HERC2: variants seen among roughly 807,000 people sequenced by gnomAD.
HERC2 encodes HECT and RLD domain containing E3 ubiquitin protein ligase 2.
A neutral mutation model predicts 537.7 loss-of-function variants in HERC2; 102 were observed. The ratio of observed to expected loss-of-function variants is 0.19; its 90% confidence interval spans 0.16 to 0.22. The LOEUF (loss-of-function observed/expected upper bound fraction) is 0.22, where lower values mean the gene tolerates loss of function less well. Ranked by LOEUF, HERC2 falls within the 10% of genes least tolerant of loss-of-function variation. The pLI is 1.00. For synonymous variants in HERC2, 2,224 were observed against 2,466.2 expected, an observed-to-expected ratio of 0.90 and a Z score of 2.91; for missense variants, 4,236 against 6,198.2, an observed-to-expected ratio of 0.68 and a Z score of 10.63.
chr15:28,141,379 G>C, intron 78 of HERC2, 53 bp downstream of exon 78: 1 of 1,542,044 alleles, frequency 6.5e-7, no homozygotes, highest in African/African-American at 1.4e-5. Flanking sequence ...AGCACCTTTA[G>C]CCACAACTGC....
chr15:28,113,214 A>C lies in HERC2; in HGVS notation c.14089T>G (p.Ser4697Ala). The C allele has an allele frequency of 1.2e-6, 2 of 1,614,136 alleles. No homozygotes were observed. The highest frequency in any genetic ancestry group is 1.7e-6 in the Non-Finnish European group (2 of 1,180,034). ...CAGAACCACTGGATCAGCGATGCGG[A>C]AGGCTCGATGCCTTTATAGGTGGCC... The part of the protein sequence containing the change: ...SVATYKGIEP[S>A]ASLIQWFWEV... Residue 4697 changes from serine to alanine, a missense_variant, in exon 92 of 93, where the codon TCC (serine) becomes GCC (alanine). Physicochemically the swap from Ser to Ala is moderately conservative, Grantham distance 99. Transcript: ENST00000261609. The surrounding 1 kb of genome is among the most constrained non-coding windows in gnomAD (Gnocchi z 7.0).
chr15:28,278,097 TA>T lies in HERC2; in HGVS notation c.542+1970del, dbSNP rs149409263. Reference sequence around the variant, plus strand: ...ATGGCAAAACCCAATCTATACAAATTAAAAAAAAAAAAAAATTGGCCAGGTA... The same window carrying T: ...ATGGCAAAACCCAATCTATACAAATTAAAAAAAAAAAAAATTGGCCAGGTA... On this transcript the variant is annotated intron_variant, in intron 5 of 92. Coordinates refer to ENST00000261609, the MANE Select transcript of HERC2 (RefSeq NM_004667.6). Among the ~76,000 whole-genome samples, 564 of 136,548 alleles carry T rather than the reference TA, an allele frequency of 4.1e-3. 1 individual carries two copies. The highest frequency in any genetic ancestry group is 5.6e-3 in the African/African-American group (206 of 37,082). The allele number at this position is 136,548 out of a possible 152,430, so 89.6% of individuals were successfully genotyped here.
chr15:28,252,051 A>T (rs1409572277), intron 20 of HERC2, among the ~76,000 whole-genome samples: 5 of 152,182 alleles, frequency 3.3e-5, no homozygotes, highest in Non-Finnish European at 7.3e-5. Context: ...GTAGACTCAC[A>T]TGGCCAAGTG....
chr15:28,267,689 T>C (rs947659573), intron 12 of HERC2, among the ~76,000 whole-genome samples: 1 of 152,276 alleles, frequency 6.6e-6, no homozygotes, highest in African/African-American at 2.4e-5. Flanking sequence ...GTTTGGGATC[T>C]TCCCAGCGGA....
rs528094088 is a variant in HERC2, at chr15:28,114,623, C to T, written c.13902G>A (p.Ala4634=). 35 of 1,613,408 alleles carry T rather than the reference C, an allele frequency of 2.2e-5. No individual in the cohort carries two copies. In the South Asian group the frequency reaches 3.2e-4, roughly 15 times the overall value. The change falls in exon 90 of 93, where the codon GCG becomes GCA. Residue 4634 remains alanine (A), a synonymous_variant. Transcript: ENST00000261609. ...GGATGACCACCAACCTATAGTTTAT[C>T]GCCAGCCGCACGTACTCCGCGCGGT... The part of the protein sequence containing the change: ...LDNRAEYVRL[A]INYRLHEFDE...
chr15:28,245,559 AAAT>A (rs1330751484), intron 23 of HERC2, among the ~76,000 whole-genome samples: 56 of 118,718 alleles, frequency 4.7e-4, no homozygotes, highest in African/African-American at 7.1e-4. Flanking sequence ...AAAAAAAAAA[AAAT>A]ATATACACAC....
intron 2 of HERC2, among the ~76,000 whole-genome samples, chr15:28,319,315 G>A (rs2077172051): frequency 6.6e-6 from 1 of 152,226 alleles, no homozygotes; most frequent in African/African-American, 2.4e-5. Context: ...GCCAGGTGCA[G>A]TGGCTCACGC....
At chr15:28,261,961 C>A (rs1036297670) in intron 15 of HERC2, among the ~76,000 whole-genome samples, 10 of 151,568 alleles carry the variant, frequency 6.6e-5, no homozygotes, top group African/African-American at 2.4e-4. Flanking sequence ...CCACACACAA[C>A]GCAGCCCAAG....
At chr15:28,114,052 C>T (rs989672722) in intron 90 of HERC2, among the ~76,000 whole-genome samples, 11 of 152,298 alleles carry the variant, frequency 7.2e-5, no homozygotes, top group South Asian at 2.1e-4. Context: ...GGGACAGCAC[C>T]GCCCAGGACA....
In HERC2 at chr15:28,318,245, G is replaced by A. The variant is rs141555005; in HGVS notation, c.72+3117C>T. ...TGTAAAAATAAAAAGTGATGTGACT[G>A]ACACCTCTTAGCTCTGTAACGTATT... On this transcript the variant is annotated intron_variant, in intron 2 of 92. Transcript: ENST00000261609. 8.3e-4 allele frequency among the ~76,000 whole-genome samples: 126 copies of A among 152,208 alleles called. No individual in the cohort carries two copies. The East Asian group carries it at 0.018, about 22-fold the overall frequency.
intron 3 of HERC2, among the ~76,000 whole-genome samples, chr15:28,297,480 A>G (rs2076500744): frequency 6.6e-6 from 1 of 152,110 alleles, no homozygotes; most frequent in Admixed American, 6.5e-5. Context: ...TTAATGTTAA[A>G]AAAACTTTAT....
chr15:28,218,765 GTTT>G, intron 37 of HERC2, 94 bp from the exon 38 acceptor site: 5 of 1,122,740 alleles, frequency 4.5e-6, no homozygotes, highest in Non-Finnish European at 6.6e-6. Context: ...TTACATTCTT[GTTT>G]TATTGAAGAC....
chr15:28,284,671 C>T (rs1458763081), intron 4 of HERC2, among the ~76,000 whole-genome samples: 1 of 152,034 alleles, frequency 6.6e-6, no homozygotes, highest in Admixed American at 6.6e-5. Context: ...GCCTGTAATC[C>T]TAGCACTTTG....
chr15:28,183,135 T>C lies in HERC2; in HGVS notation c.8826-623A>G, dbSNP rs186344794. ...CTAAGCTGAAAGTCCTCGTCTCCTG[T>C]CCTTCCCAGAGGGCTTGCTCCTTCC... On this transcript the variant is annotated intron_variant, in intron 56 of 92. Coordinates refer to ENST00000261609, the MANE Select transcript of HERC2 (RefSeq NM_004667.6). Among the ~76,000 whole-genome samples, 283 of 152,310 alleles carry C rather than the reference T, an allele frequency of 1.9e-3. 3 individuals carry two copies. The highest frequency in any genetic ancestry group is 0.016 in the Admixed American group (240 of 15,304).
intron 35 of HERC2, among the ~76,000 whole-genome samples, chr15:28,226,935 A>C (rs183691260): frequency 6.6e-6 from 1 of 152,330 alleles, no homozygotes; most frequent in East Asian, 1.9e-4. Flanking sequence ...ACACTTATAT[A>C]GTGCATTTAT....
At chr15:28,193,660 C>G (rs1897065700) in intron 52 of HERC2, among the ~76,000 whole-genome samples, 1 of 152,028 alleles carries the variant, frequency 6.6e-6, no homozygotes, top group Non-Finnish European at 1.5e-5. Flanking sequence ...ACATGTAAAA[C>G]CTGTGCAAGA....
At chr15:28,135,451 T>C (rs1890543002) in intron 79 of HERC2, 27 bp downstream of exon 79, 2 of 1,551,318 alleles carry the variant, frequency 1.3e-6, no homozygotes, top group Admixed American at 1.7e-5. Context: ...ACAAATAGAA[T>C]GTTGAAATAA....
Position 28,132,175 on chromosome 15 carries a change from A to G in HERC2, c.12495T>C (p.Thr4165=), listed in dbSNP as rs576159283. ...AQTLCLTDDD[T]VWSWGDGDYG... is the part of the protein sequence containing the mutation. ...AGTCCCCGTCCCCCCAGGACCAGAC[A>G]GTGTCGTCATCTGTGAGGCAGAGGG... The change falls in exon 81 of 93, where the codon ACT becomes ACC. Residue 4165 remains threonine, a synonymous_variant. Transcript: ENST00000261609. 11 of 1,614,026 alleles carry G rather than the reference A, an allele frequency of 6.8e-6. No individual in the cohort carries two copies. The highest frequency in any genetic ancestry group is 9.3e-6 in the Non-Finnish European group (11 of 1,179,916).
At chr15:28,298,798 C>T (rs572104143) in intron 3 of HERC2, among the ~76,000 whole-genome samples, 4 of 151,630 alleles carry the variant, frequency 2.6e-5, no homozygotes, top group African/African-American at 7.3e-5. Context: ...TCCTTCCCCC[C>T]CAAAAAAAAG....
Sources: allele counts gnomAD v4.1 joint callset (sites outside exome capture counted in the v4.1 genomes callset), GRCh38; gene constraint gnomAD v4.1.1; non-coding constraint Gnocchi (gnomAD v3.1); transcripts MANE v1.5; gene names NCBI Gene and HGNC (gene_info 2026-07-23, HGNC 2026-07-21).